RIMKLA: variants seen among roughly 807,000 people sequenced by gnomAD.
RIMKLA encodes ribosomal modification protein rimK like family member A, also known as N-acetylaspartylglutamate synthase A.
Under a neutral mutation model 32.7 loss-of-function variants are expected in RIMKLA, and 14 were observed. That is an observed-to-expected ratio of 0.43 (90% CI 0.28 to 0.67). The LOEUF is 0.67. Ranked by LOEUF, RIMKLA falls within the 30% of genes least tolerant of loss-of-function variation. The pLI is 0.18. For synonymous variants in RIMKLA, 176 were observed against 204.1 expected (o/e 0.86, Z 1.18); for missense variants, 410 against 519.0 (o/e 0.79, Z 2.04).
chr1:42,410,240 A>G (rs1643185799), intron 4 of RIMKLA, 53 bp downstream of exon 4: 1 of 1,437,088 alleles, frequency 7.0e-7, no homozygotes, highest in Non-Finnish European at 9.8e-7. Flanking sequence ...CATTCAGCAA[A>G]TGTATATCGA....
At chr1:42,399,971 T>C (rs914924648) in intron 2 of RIMKLA, among the ~76,000 whole-genome samples, 6 of 152,164 alleles carry the variant, frequency 3.9e-5, no homozygotes, top group South Asian at 4.1e-4. Flanking sequence ...ATGTGAAACA[T>C]GCTATGAAAA....
chr1:42,381,499 A>T (rs377386457), intron 1 of RIMKLA, among the ~76,000 whole-genome samples: 16 of 152,362 alleles, frequency 1.1e-4, no homozygotes, highest in African/African-American at 3.8e-4. Flanking sequence ...AATTACTATT[A>T]AGATGACTGT....
At chr1:42,409,156 C>T (rs1042803836) in intron 3 of RIMKLA, among the ~76,000 whole-genome samples, 1 of 121,478 alleles carries the variant, frequency 8.2e-6, no homozygotes, top group Non-Finnish European at 1.6e-5. Context: ...GAGCCAAGAT[C>T]GCGCCACTGC....
At chr1:42,406,986 G>A (rs6678675) in intron 3 of RIMKLA, among the ~76,000 whole-genome samples, 88,361 of 151,526 alleles carry the variant, frequency 0.58, 26,163 homozygotes, top group Middle Eastern at 0.63. Context: ...TCTCACTGCA[G>A]CCTCTGCATC....
At chr1:42,385,844 C>CTCTTTCTTTCTT (rs1162584737) in intron 1 of RIMKLA, among the ~76,000 whole-genome samples, 1,204 of 57,024 alleles carry the variant, frequency 0.021, 91 homozygotes, top group African/African-American at 0.039. Flanking sequence ...TTCTTTCTTT[C>CTCTTTCTTTCTT]TCTTTCTTTC....
At chr1:42,394,896 G>A (rs1255172094) in intron 1 of RIMKLA, among the ~76,000 whole-genome samples, 8 of 151,876 alleles carry the variant, frequency 5.3e-5, no homozygotes, top group Non-Finnish European at 8.8e-5. Flanking sequence ...ACACCACCAC[G>A]CCCAGCTAAT....
rs1324519807 is a variant in RIMKLA, at chr1:42,415,589, G to A, written c.*615G>A. ...GAACGTTCTTTGACTTCACAGGTTGGCAAATGTCCTGCTTTGTAACTGGGC... is the reference window on the plus strand; with the variant it reads ...GAACGTTCTTTGACTTCACAGGTTGACAAATGTCCTGCTTTGTAACTGGGC... On this transcript the variant is annotated 3_prime_UTR_variant, in exon 5 of 5. Coordinates refer to ENST00000431473, the MANE Select transcript of RIMKLA (RefSeq NM_173642.4). 1 of 152,200 alleles carries A rather than the reference G, an allele frequency of 6.6e-6. No individual in the cohort carries two copies. Among genetic ancestry groups the A allele is most frequent in the Non-Finnish European group, 1.5e-5 (1 of 68,064 alleles). 9.4% of individuals were successfully genotyped at this position (152,200 alleles called of 1,614,324 possible). A position where few individuals can be genotyped will look rare whatever the true frequency, so the allele number is the denominator to read the frequency against.
chr1:42,423,689 T>G lies in RIMKLA; in HGVS notation c.*8715T>G, dbSNP rs1474516145. Among the ~76,000 whole-genome samples, 1 of 152,168 alleles carries G rather than the reference T, an allele frequency of 6.6e-6. No individual in the cohort carries two copies. Among genetic ancestry groups the G allele is most frequent in the Non-Finnish European group, 1.5e-5 (1 of 68,042 alleles). On this transcript the variant is annotated 3_prime_UTR_variant, in exon 5 of 5. Transcript: ENST00000431473. The stretch of plus-strand genomic sequence containing the variant: ...AAGAATAAGCCTGTGACACTTCCCC[T>G]TCTACTTCCCAGAGTTACATGGTGT...
At chr1:42,386,218 T>C (rs1473567054) in intron 1 of RIMKLA, among the ~76,000 whole-genome samples, 2 of 151,782 alleles carry the variant, frequency 1.3e-5, no homozygotes, top group Non-Finnish European at 2.9e-5. Flanking sequence ...CCACCGAGCC[T>C]GGCCCCTACT....
At chr1:42,393,051 T>C (rs1461702198) in intron 1 of RIMKLA, among the ~76,000 whole-genome samples, 4 of 152,186 alleles carry the variant, frequency 2.6e-5, no homozygotes, top group Non-Finnish European at 4.4e-5. Context: ...CTGAAGTGCA[T>C]GTACTAAGCC....
chr1:42,393,560 T>C (rs1643017175), intron 1 of RIMKLA, among the ~76,000 whole-genome samples: 1 of 152,178 alleles, frequency 6.6e-6, no homozygotes, highest in East Asian at 1.9e-4. Context: ...AGGTGAGCTT[T>C]CTTTGGGCAT....
At chr1:42,407,335 T>C (rs1349271978) in intron 3 of RIMKLA, among the ~76,000 whole-genome samples, 1 of 141,694 alleles carries the variant, frequency 7.1e-6, no homozygotes, top group African/African-American at 2.6e-5. Flanking sequence ...TTTATTTTGG[T>C]AAAGTCTAAC....
Position 42,399,866 on chromosome 1 carries a change from G to A in RIMKLA, c.394+232G>A, listed in dbSNP as rs79496533. ...CACTGTGTGCCAGGCAGCATGCTAG[G>A]CACTGGGTTACAGCATTAAGCAAGA... On this transcript the variant is annotated intron_variant, in intron 2 of 4. Transcript: ENST00000431473. 8.4e-3 allele frequency among the ~76,000 whole-genome samples: 1,286 copies of A among 152,248 alleles called. 17 individuals carry two copies. The highest frequency in any genetic ancestry group is 0.013 in the Non-Finnish European group (868 of 68,008).
At chr1:42,412,795 T>A in intron 4 of RIMKLA, 1 of 281,220 alleles carries the variant, frequency 3.6e-6, no homozygotes, top group South Asian at 2.9e-5. Flanking sequence ...CATGCATCAT[T>A]CTGTCAGCAC....
chr1:42,388,793 G>A (rs1439133930), intron 1 of RIMKLA, among the ~76,000 whole-genome samples: 15 of 152,216 alleles, frequency 9.9e-5, no homozygotes, highest in African/African-American at 3.6e-4. Context: ...TGGGATTACA[G>A]GCGTGAGCTA....
At chr1:42,410,643 A>G (rs1297186283) in intron 4 of RIMKLA, among the ~76,000 whole-genome samples, 1 of 152,174 alleles carries the variant, frequency 6.6e-6, no homozygotes, top group Non-Finnish European at 1.5e-5. Flanking sequence ...TCCTTTTTGT[A>G]TGATGTTATT....
Position 42,420,403 on chromosome 1 carries a change from A to C in RIMKLA, c.*5429A>C, listed in dbSNP as rs1643285664. 1 of 152,068 alleles carries C rather than the reference A, an allele frequency of 6.6e-6. No individual in the cohort carries two copies. The highest frequency in any genetic ancestry group is 2.1e-4 in the South Asian group (1 of 4,828). The allele number at this position is 152,068 out of a possible 1,614,324, so 9.4% of individuals were successfully genotyped here. The stretch of plus-strand genomic sequence containing the variant: ...TGCAGACTCGGCACCCCATTTATAG[A>C]ATGTTCTTTTTATATACTATGGAGG... On this transcript the variant is annotated 3_prime_UTR_variant, in exon 5 of 5. Transcript: ENST00000431473.
intron 1 of RIMKLA, among the ~76,000 whole-genome samples, chr1:42,385,578 G>A (rs1016811445): frequency 6.6e-6 from 1 of 152,002 alleles, no homozygotes; most frequent in Non-Finnish European, 1.5e-5. Flanking sequence ...CTGAGAGTGG[G>A]GTGGATGTTT....
chr1:42,400,978 C>A (rs1050888556), intron 2 of RIMKLA, among the ~76,000 whole-genome samples: 5 of 151,826 alleles, frequency 3.3e-5, no homozygotes, highest in Non-Finnish European at 7.4e-5. Context: ...AGAGGGAATC[C>A]TTTCGGGCAG....
Sources: gnomAD v4.1 joint callset for allele counts (sites outside exome capture counted in the v4.1 genomes callset) on GRCh38, gnomAD v4.1.1 for gene constraint, MANE v1.5 for transcripts, NCBI Gene and HGNC (gene_info 2026-07-23, HGNC 2026-07-21) for gene names.